CMYA5: variants seen among roughly 807,000 people sequenced by gnomAD.
The protein encoded by CMYA5 is cardiomyopathy-associated protein 5.
CMYA5 carries 246 observed loss-of-function variants against 318.9 expected under a neutral mutation model. The observed-to-expected ratio is 0.77, with a 90% CI of 0.70 to 0.86. The LOEUF (loss-of-function observed/expected upper bound fraction) is 0.86, where lower values mean the gene tolerates loss of function less well. Among genes scored for constraint, CMYA5 ranks in the 40% least tolerant of loss-of-function variants. The pLI is 0.00. For synonymous variants in CMYA5, 1,641 were observed against 1,729.5 expected (o/e 0.95, Z 1.27); for missense variants, 4,589 against 4,678.2 (o/e 0.98, Z 0.56).
intron 12 of CMYA5, among the ~76,000 whole-genome samples, chr5:79,796,890 T>G (rs1039397737): frequency 6.6e-6 from 1 of 151,844 alleles, no homozygotes; most frequent in African/African-American, 2.4e-5. Flanking sequence ...CTAGGATATT[T>G]TATTTTAATT....
rs1829124175 is a variant in CMYA5 at position 79,788,806 on chromosome 5, A to G, written c.11556-165A>G. 1.3e-5 allele frequency among the ~76,000 whole-genome samples: 2 copies of G among 152,196 alleles called. 1 individual carries two copies. The highest frequency in any genetic ancestry group is 4.1e-4 in the South Asian group (2 of 4,832). ...TTTGATAAAGTAATCTTAGTGGACA[A>G]TGGCCATTTTGTAGGACCTGGCTTG... On this transcript the variant is annotated intron_variant, in intron 9 of 12. Coordinates refer to ENST00000446378, the MANE Select transcript of CMYA5 (RefSeq NM_153610.5).
At chr5:79,705,749 A>G (rs556847923) in intron 1 of CMYA5, among the ~76,000 whole-genome samples, 57 of 152,108 alleles carry the variant, frequency 3.7e-4, no homozygotes, top group African/African-American at 1.3e-3. Flanking sequence ...CTTTCTTTCA[A>G]TCTCTCCTGG....
chr5:79,761,511 T>C (rs1828650508), intron 7 of CMYA5, among the ~76,000 whole-genome samples: 1 of 152,228 alleles, frequency 6.6e-6, no homozygotes. Context: ...TATGTAATTT[T>C]AATATTCGCT....
chr5:79,691,399 C>T (rs907344547), intron 1 of CMYA5, among the ~76,000 whole-genome samples: 4 of 152,252 alleles, frequency 2.6e-5, no homozygotes, highest in African/African-American at 9.6e-5. Flanking sequence ...TCTGAAAACT[C>T]ATTTACACTA....
intron 11 of CMYA5, 143 bp from the exon 12 acceptor site, chr5:79,793,294 G>T: frequency 1.3e-6 from 1 of 748,476 alleles, no homozygotes; most frequent in Non-Finnish European, 2.2e-6. Context: ...GGGATACAAT[G>T]AACAGAGTAT....
intron 5 of CMYA5, among the ~76,000 whole-genome samples, chr5:79,748,635 C>A (rs920028079): frequency 6.6e-6 from 1 of 152,022 alleles, no homozygotes; most frequent in Non-Finnish European, 1.5e-5. Context: ...CTCCACCTCC[C>A]GGGTTTAAGC....
rs1286511752 is a variant in CMYA5 at position 79,729,349 on chromosome 5, A to G, written c.584A>G (p.Lys195Arg). Residue 195 changes from lysine (K) to arginine (R), a missense_variant, in exon 2 of 13, where the codon AAG (lysine) becomes AGG (arginine). Lys to Arg is a conservative substitution (Grantham distance 26, BLOSUM62 2). This residue lies in a region of CMYA5 where 2,132 missense variants were observed against 2,131.3 expected (regional missense o/e 1.00). Coordinates refer to ENST00000446378, the MANE Select transcript of CMYA5 (RefSeq NM_153610.5). ...GGCATTTATGATAAAGCAAGAAAAAAGAAGACCACTTCAAATACACCTCCG... is the reference window on the plus strand; with the variant it reads ...GGCATTTATGATAAAGCAAGAAAAAGGAAGACCACTTCAAATACACCTCCG... ...YTGIYDKARK[K>R]KTTSNTPPIT... The G allele has an allele frequency of 6.2e-7, 1 of 1,613,046 alleles. No homozygotes were observed. The highest frequency in any genetic ancestry group is 8.5e-7 in the Non-Finnish European group (1 of 1,179,682).
chr5:79,764,098 C>T (rs1172312932), intron 9 of CMYA5, among the ~76,000 whole-genome samples: 1 of 151,872 alleles, frequency 6.6e-6, no homozygotes, highest in Non-Finnish European at 1.5e-5. Flanking sequence ...GTTTGCTGCA[C>T]CCATCAACCT....
intron 1 of CMYA5, among the ~76,000 whole-genome samples, chr5:79,691,361 G>T (rs760287179): frequency 5.3e-5 from 8 of 152,170 alleles, no homozygotes; most frequent in Admixed American, 1.3e-4. Context: ...TCATATCCTT[G>T]CCCAACCACA....
chr5:79,793,797 TAG>T (rs1308895675), intron 12 of CMYA5, among the ~76,000 whole-genome samples, 187 bp downstream of exon 12: 1 of 152,186 alleles, frequency 6.6e-6, no homozygotes, highest in African/African-American at 2.4e-5. Flanking sequence ...AAGCTGATTT[TAG>T]AGTGTGTGAA....
intron 1 of CMYA5, among the ~76,000 whole-genome samples, chr5:79,718,765 G>A (rs1343762189): frequency 6.6e-6 from 1 of 152,046 alleles, no homozygotes; most frequent in Non-Finnish European, 1.5e-5. Flanking sequence ...ATACAACAGT[G>A]GTCCCATAAG....
At chr5:79,710,507 A>T (rs1022891206) in intron 1 of CMYA5, among the ~76,000 whole-genome samples, 4 of 152,122 alleles carry the variant, frequency 2.6e-5, no homozygotes, top group African/African-American at 9.7e-5. Flanking sequence ...TTTTTAATTT[A>T]AAAAAAGCAC....
chr5:79,713,824 G>A (rs1827460385), intron 1 of CMYA5, among the ~76,000 whole-genome samples: 1 of 152,054 alleles, frequency 6.6e-6, no homozygotes, highest in African/African-American at 2.4e-5. Context: ...GTAGTATTTT[G>A]GTTCGGGAGG....
At chr5:79,755,018 A>G (rs970525599) in intron 6 of CMYA5, among the ~76,000 whole-genome samples, 4 of 152,106 alleles carry the variant, frequency 2.6e-5, no homozygotes, top group African/African-American at 4.8e-5. Context: ...CCTCTTATCT[A>G]TTCATCCATT....
Position 79,730,080 on chromosome 5 carries a change from G to A in CMYA5, c.1315G>A (p.Ala439Thr). 1 of 1,613,790 alleles carries A rather than the reference G, an allele frequency of 6.2e-7. No individual in the cohort carries two copies. Among genetic ancestry groups the A allele is most frequent in the South Asian group, 1.1e-5 (1 of 91,088 alleles). Residue 439 changes from alanine to threonine, a missense_variant, in exon 2 of 13, where the codon GCG becomes ACG. This residue lies in a region of CMYA5 where 2,132 missense variants were observed against 2,131.3 expected (regional missense o/e 1.00). Transcript: ENST00000446378. Reference protein sequence around the residue: ...SAHHSISLEAASPGLAASTQD... With the variant: ...SAHHSISLEATSPGLAASTQD... ...TCACCATTCCATTTCTCTGGAGGCA[G>A]CGTCACCAGGTCTGGCAGCATCTAC...
intron 10 of CMYA5, among the ~76,000 whole-genome samples, chr5:79,790,587 T>A (rs1394037853): frequency 6.6e-6 from 1 of 152,160 alleles, no homozygotes; most frequent in Non-Finnish European, 1.5e-5. Flanking sequence ...CCAATTTTAA[T>A]ATGCACACAG....
rs868477997 is a variant in CMYA5 at position 79,793,543 on chromosome 5, G to T, written c.11896G>T (p.Ala3966Ser). 1 of 1,613,866 alleles carries T rather than the reference G, an allele frequency of 6.2e-7. No individual in the cohort carries two copies. The highest frequency in any genetic ancestry group is 1.7e-5 in the Admixed American group (1 of 60,016). Residue 3966 changes from alanine to serine, a missense_variant, in exon 12 of 13, where the codon GCT (alanine) becomes TCT (serine). Coordinates refer to ENST00000446378, the MANE Select transcript of CMYA5 (RefSeq NM_153610.5). Reference protein sequence around the residue: ...AYRLGICSSSAVQAGALGQGE... With the variant: ...AYRLGICSSSSVQAGALGQGE... ...TCGACTCGGCATCTGCTCCAGCTCG[G>T]CTGTGCAGGCAGGTGCCCTAGGACA...
At chr5:79,715,709 C>G (rs927659461) in intron 1 of CMYA5, among the ~76,000 whole-genome samples, 7 of 152,184 alleles carry the variant, frequency 4.6e-5, no homozygotes, top group Non-Finnish European at 7.3e-5. Flanking sequence ...GTAGAGCTGG[C>G]AGGGCCTGAA....
At position 79,734,668 on chromosome 5, in the gene CMYA5, C is replaced by G; in HGVS notation, c.5903C>G (p.Ser1968Cys). Residue 1968 changes from serine (S) to cysteine (C), a missense_variant, in exon 2 of 13, where the codon TCC (serine) becomes TGC (cysteine). By Grantham distance (112) the Ser-to-Cys change is moderately radical. This residue lies in a region of CMYA5 where 2,431 missense variants were observed against 2,495.1 expected (regional missense o/e 0.97). Coordinates refer to ENST00000446378, the MANE Select transcript of CMYA5 (RefSeq NM_153610.5). ...GAAGCAGTATCTGCTCTTGATACTT[C>G]CAGTGGTAATACAGAGACCTTATCA... ...SQEAVSALDT[S>C]SGNTETLSSK... 2 of 1,613,756 alleles carry G rather than the reference C, an allele frequency of 1.2e-6. No individual in the cohort carries two copies. The highest frequency in any genetic ancestry group is 1.6e-4 in the Middle Eastern group (1 of 6,062).
Sources: allele counts gnomAD v4.1 joint callset (sites outside exome capture counted in the v4.1 genomes callset), GRCh38; gene constraint gnomAD v4.1.1; regional missense constraint gnomAD v4.1.1; transcripts MANE v1.5; gene names NCBI Gene and HGNC (gene_info 2026-07-23, HGNC 2026-07-21).